The following SDK1 variants were observed in gnomAD, a reference collection of about 807,000 sequenced individuals.
SDK1 encodes sidekick cell adhesion molecule 1.
In SDK1, 157 loss-of-function variants were observed where a neutral mutation model predicts 245.5. That is an observed-to-expected ratio of 0.64 (90% CI 0.56 to 0.73). SDK1 has a LOEUF of 0.73. Ranked by LOEUF, SDK1 falls within the 30% of genes least tolerant of loss-of-function variation. SDK1 has a pLI of 0.00. For missense variants in SDK1, 3,583 were observed against 3,002.3 expected, an observed-to-expected ratio of 1.19 and a Z score of -4.52; for synonymous variants, 1,647 against 1,278.5, an observed-to-expected ratio of 1.29 and a Z score of -6.15.
chr7:3,309,762 C>A (rs1373311313), intron 1 of SDK1, among the ~76,000 whole-genome samples: 1 of 152,118 alleles, frequency 6.6e-6, no homozygotes, highest in Non-Finnish European at 1.5e-5. Flanking sequence ...TACATGAGTT[C>A]ACAAACATTA....
At chr7:3,381,632 C>T (rs1562452636) in intron 1 of SDK1, among the ~76,000 whole-genome samples, 1 of 152,082 alleles carries the variant, frequency 6.6e-6, no homozygotes, top group Non-Finnish European at 1.5e-5. Context: ...TGAGAAGGAT[C>T]CTAGAAGGAT....
intron 5 of SDK1, among the ~76,000 whole-genome samples, chr7:3,918,650 C>G (rs1464522609): frequency 2.0e-5 from 3 of 152,138 alleles, no homozygotes; most frequent in Non-Finnish European, 2.9e-5. Flanking sequence ...CATCCTGAAA[C>G]CATCCCCCCG....
chr7:3,822,122 G>A (rs868668273), intron 5 of SDK1, among the ~76,000 whole-genome samples: 1 of 152,134 alleles, frequency 6.6e-6, no homozygotes, highest in Non-Finnish European at 1.5e-5. Context: ...TATTTGAGGG[G>A]ACTTTAGTTT....
intron 1 of SDK1, among the ~76,000 whole-genome samples, chr7:3,372,918 T>G (rs949894141): frequency 6.6e-6 from 1 of 152,194 alleles, no homozygotes; most frequent in Non-Finnish European, 1.5e-5. Flanking sequence ...TTAAAATACT[T>G]TATACAAGAC....
chr7:4,146,051 A>G, intron 29 of SDK1, 135 bp downstream of exon 29: 1 of 752,392 alleles, frequency 1.3e-6, no homozygotes. Context: ...GTGAGCATTT[A>G]CAAAGCACCC....
chr7:3,310,698 G>C (rs930482461), intron 1 of SDK1, among the ~76,000 whole-genome samples: 11 of 152,182 alleles, frequency 7.2e-5, no homozygotes, highest in African/African-American at 2.7e-4. Context: ...TGTGTGGATA[G>C]ATGAATTTTG....
At chr7:3,606,077 GGGTATTTCA>G (rs1354027841) in intron 1 of SDK1, among the ~76,000 whole-genome samples, 1 of 152,092 alleles carries the variant, frequency 6.6e-6, no homozygotes, top group Non-Finnish European at 1.5e-5. Flanking sequence ...GATGTCTAGT[GGGTATTTCA>G]AACATCCTAA....
At chr7:3,610,342 C>T (rs543697776) in intron 1 of SDK1, among the ~76,000 whole-genome samples, 17 of 152,138 alleles carry the variant, frequency 1.1e-4, no homozygotes, top group African/African-American at 3.4e-4. Context: ...TAAGATTATT[C>T]GAAAGAATCT....
rs1233931470 is a variant in SDK1, at chr7:4,233,192, G to T, written c.5828-63G>T. ...AAGCCGACCCACCAGGCAGGTGCAT[G>T]GGGCTCGCATCTGGGACTTCGCACT... On this transcript the variant is annotated intron_variant, in intron 40 of 44. Coordinates refer to ENST00000404826, the MANE Select transcript of SDK1 (RefSeq NM_152744.4). 3.9e-6 allele frequency: 6 copies of T among 1,525,112 alleles called. No homozygotes were observed. The South Asian group carries it at 6.0e-5, about 15-fold the overall frequency. 94.5% of individuals were successfully genotyped at this position (1,525,112 alleles called of 1,614,324 possible).
At chr7:3,602,281 T>C (rs1330181174) in intron 1 of SDK1, among the ~76,000 whole-genome samples, 2 of 151,340 alleles carry the variant, frequency 1.3e-5, no homozygotes, top group Non-Finnish European at 2.9e-5. Flanking sequence ...TGAACTAGTT[T>C]ACAGTCCCAC....
At chr7:3,867,778 C>A (rs755804842) in intron 5 of SDK1, among the ~76,000 whole-genome samples, 9 of 152,128 alleles carry the variant, frequency 5.9e-5, no homozygotes, top group Non-Finnish European at 2.9e-5. Flanking sequence ...TATTTTCTGG[C>A]TTTGGGGTAG....
intron 4 of SDK1, among the ~76,000 whole-genome samples, chr7:3,647,696 C>T (rs1782893269): frequency 6.6e-6 from 1 of 152,082 alleles, no homozygotes; most frequent in South Asian, 2.1e-4. Context: ...TCCCAAAGTG[C>T]TGGGATTACA....
chr7:3,543,421 C>G (rs137989132), intron 1 of SDK1, among the ~76,000 whole-genome samples: 10 of 152,350 alleles, frequency 6.6e-5, no homozygotes, highest in African/African-American at 2.4e-4. Context: ...AAAGAGATGG[C>G]TCTTAAGACC....
intron 25 of SDK1, among the ~76,000 whole-genome samples, chr7:4,117,869 C>A (rs1202397412): frequency 6.6e-6 from 1 of 152,170 alleles, no homozygotes; most frequent in African/African-American, 2.4e-5. Context: ...TCCCTCCTTC[C>A]TAGGAGAGGC....
chr7:3,747,615 G>T (rs959713983), intron 4 of SDK1, among the ~76,000 whole-genome samples: 9 of 152,178 alleles, frequency 5.9e-5, no homozygotes, highest in Admixed American at 6.5e-5. Context: ...ATGGGGCAAA[G>T]GGAAATAATC....
chr7:3,575,061 T>G (rs539321837), intron 1 of SDK1, among the ~76,000 whole-genome samples: 3 of 152,142 alleles, frequency 2.0e-5, no homozygotes, highest in East Asian at 3.9e-4. Context: ...CTTTGCCTCT[T>G]ACAAGACAGA....
chr7:3,412,351 G>C (rs901246596), intron 1 of SDK1, among the ~76,000 whole-genome samples: 1 of 152,084 alleles, frequency 6.6e-6, no homozygotes, highest in Non-Finnish European at 1.5e-5. Flanking sequence ...GTATCAAACT[G>C]TATATATTCT....
At chr7:4,210,309 C>A in intron 38 of SDK1, 147 bp downstream of exon 38, 2 of 909,912 alleles carry the variant, frequency 2.2e-6, no homozygotes, top group South Asian at 5.7e-5. Flanking sequence ...CTGAGCTGGA[C>A]GGGGCTGGAG....
chr7:3,321,322 T>A (rs954631518), intron 1 of SDK1, among the ~76,000 whole-genome samples: 1 of 152,188 alleles, frequency 6.6e-6, no homozygotes, highest in Non-Finnish European at 1.5e-5. Flanking sequence ...TCAGAGCACA[T>A]AACGTTTCTT....
Sources: gnomAD v4.1 joint callset for allele counts (sites outside exome capture counted in the v4.1 genomes callset) on GRCh38, gnomAD v4.1.1 for gene constraint, MANE v1.5 for transcripts, NCBI Gene and HGNC (gene_info 2026-07-23, HGNC 2026-07-21) for gene names.